RHBDD1: variants seen among roughly 807,000 people sequenced by gnomAD.
The protein encoded by RHBDD1 is rhomboid domain containing 1.
In RHBDD1, 38 loss-of-function variants were observed where a neutral mutation model predicts 36.3. The ratio of observed to expected loss-of-function variants is 1.05; its 90% CI spans 0.81 to 1.37. The LOEUF is 1.37. Ranked by LOEUF, RHBDD1 falls within the 40% of genes most tolerant of loss-of-function variation. RHBDD1 has a pLI of 0.00. For missense variants in RHBDD1, 393 were observed against 377.6 expected (o/e 1.04, Z -0.34); for synonymous variants, 151 against 136.5 (o/e 1.11, Z -0.74).
At chr2:226,938,602 A>G (rs889643679) in intron 8 of RHBDD1, among the ~76,000 whole-genome samples, 1 of 152,174 alleles carries the variant, frequency 6.6e-6, no homozygotes, top group African/African-American at 2.4e-5. Flanking sequence ...GAGACCAATA[A>G]CAAGTTCTGA....
intron 3 of RHBDD1, among the ~76,000 whole-genome samples, chr2:226,849,621 C>CA (rs1942589614): frequency 6.6e-6 from 1 of 152,260 alleles, no homozygotes; most frequent in African/African-American, 2.4e-5. Flanking sequence ...CCCCGGATGT[C>CA]CTCTTTGCCT....
intron 3 of RHBDD1, among the ~76,000 whole-genome samples, chr2:226,863,713 G>T (rs531837452): frequency 3.3e-5 from 5 of 152,336 alleles, no homozygotes; most frequent in African/African-American, 1.2e-4. Context: ...AGAGAGAGAA[G>T]CCTATAAATC....
intron 8 of RHBDD1, among the ~76,000 whole-genome samples, chr2:226,948,926 G>T (rs144438166): frequency 7.9e-5 from 12 of 152,312 alleles, no homozygotes; most frequent in Non-Finnish European, 1.8e-4. Context: ...AAGCTGATAA[G>T]CAACTTTAGC....
At chr2:226,859,383 A>G (rs904203778) in intron 3 of RHBDD1, among the ~76,000 whole-genome samples, 1 of 152,216 alleles carries the variant, frequency 6.6e-6, no homozygotes, top group Admixed American at 6.5e-5. Flanking sequence ...ATTATAAGTT[A>G]CCTAGAGGTG....
the RHBDD1 span, among the ~76,000 whole-genome samples, chr2:226,810,731 T>A: frequency 1.3e-5 from 2 of 151,846 alleles, no homozygotes; most frequent in Admixed American, 1.3e-4. Context: ...GGCAGAGGCA[T>A]AAGAAAAACG....
chr2:226,893,830 A>T (rs906532614), intron 5 of RHBDD1, among the ~76,000 whole-genome samples: 1 of 152,134 alleles, frequency 6.6e-6, no homozygotes, highest in Admixed American at 6.5e-5. Flanking sequence ...GACCTCCACG[A>T]TAAAAATAGT....
At chr2:226,844,806 A>T (rs1208750238) in intron 3 of RHBDD1, among the ~76,000 whole-genome samples, 1 of 152,216 alleles carries the variant, frequency 6.6e-6, no homozygotes, top group Admixed American at 6.5e-5. Flanking sequence ...CTGGCTTATG[A>T]TTGATACTGG....
intron 5 of RHBDD1, among the ~76,000 whole-genome samples, chr2:226,905,899 C>T (rs1353193926): frequency 6.6e-6 from 1 of 151,954 alleles, no homozygotes; most frequent in African/African-American, 2.4e-5. Flanking sequence ...CATGTGTGCG[C>T]GGGGGTGTCT....
At chr2:226,935,641 T>A (rs1176527646) in intron 8 of RHBDD1, among the ~76,000 whole-genome samples, 4 of 152,216 alleles carry the variant, frequency 2.6e-5, no homozygotes, top group South Asian at 4.1e-4. Context: ...TTTATTTTTT[T>A]TTTTTATAAT....
intron 5 of RHBDD1, among the ~76,000 whole-genome samples, chr2:226,872,710 A>G (rs1428358482): frequency 2.0e-5 from 3 of 152,210 alleles, no homozygotes; most frequent in African/African-American, 7.2e-5. Context: ...TTCTTAAATC[A>G]GCAAGTAATT....
At chr2:226,841,240 C>T (rs1276421019) in intron 3 of RHBDD1, among the ~76,000 whole-genome samples, 1 of 152,080 alleles carries the variant, frequency 6.6e-6, no homozygotes, top group African/African-American at 2.4e-5. Flanking sequence ...TCAGTTGATC[C>T]TCCCACCTCA....
chr2:226,825,531 T>C, the RHBDD1 span, among the ~76,000 whole-genome samples: 8 of 152,092 alleles, frequency 5.3e-5, no homozygotes, highest in Admixed American at 3.3e-4. Flanking sequence ...CTTCCTAAAA[T>C]AGAAAAATGT....
intron 5 of RHBDD1, among the ~76,000 whole-genome samples, chr2:226,895,242 G>A (rs539216338): frequency 1.3e-5 from 2 of 152,338 alleles, no homozygotes; most frequent in East Asian, 3.9e-4. Context: ...TGAAGCCTGA[G>A]CTAGGCAACC....
At position 226,995,626 on chromosome 2, in the gene RHBDD1, T is replaced by C; in HGVS notation, c.*104T>C. 1 of 793,192 alleles carries C rather than the reference T, an allele frequency of 1.3e-6. No individual in the cohort carries two copies. The highest frequency in any genetic ancestry group is 2.1e-6 in the Non-Finnish European group (1 of 466,504). 49.1% of individuals were successfully genotyped at this position (793,192 alleles called of 1,614,324 possible). On this transcript the variant is annotated 3_prime_UTR_variant, in exon 9 of 9. Coordinates refer to ENST00000392062, the MANE Select transcript of RHBDD1 (RefSeq NM_001167608.3). The stretch of plus-strand genomic sequence containing the variant: ...TAATTCATTTTAAACAAAAGCAGAG[T>C]ACACCGGTATTGCTCCAGATCGCTC...
the RHBDD1 span, chr2:226,807,645 A>T: frequency 6.6e-6 from 1 of 152,292 alleles, no homozygotes; most frequent in Non-Finnish European, 1.5e-5. Context: ...GTGGGAGCAG[A>T]GTGAGGAAGG....
the RHBDD1 span, among the ~76,000 whole-genome samples, chr2:226,819,277 A>G: frequency 6.6e-6 from 1 of 152,232 alleles, no homozygotes; most frequent in Non-Finnish European, 1.5e-5. Flanking sequence ...AAGAATGCTC[A>G]TTAATCAAAA....
At chr2:226,905,876 T>C (rs6723774) in intron 5 of RHBDD1, among the ~76,000 whole-genome samples, 73,875 of 151,724 alleles carry the variant, frequency 0.49, 18,968 homozygotes, top group African/African-American at 0.66. Flanking sequence ...TTTAAGGTGC[T>C]AGTGGATGTG....
At chr2:226,870,850 A>G (rs1257445054) in intron 5 of RHBDD1, among the ~76,000 whole-genome samples, 1 of 152,168 alleles carries the variant, frequency 6.6e-6, no homozygotes, top group African/African-American at 2.4e-5. Flanking sequence ...CTTTATCCTC[A>G]TCATCTTCAC....
At chr2:226,887,044 A>C (rs1391546397) in intron 5 of RHBDD1, among the ~76,000 whole-genome samples, 1 of 152,172 alleles carries the variant, frequency 6.6e-6, no homozygotes, top group Non-Finnish European at 1.5e-5. Context: ...AATTAGAAAA[A>C]ATACTTAAAA....
Sources: allele counts gnomAD v4.1 joint callset (sites outside exome capture counted in the v4.1 genomes callset), GRCh38; gene constraint gnomAD v4.1.1; transcripts MANE v1.5; gene names NCBI Gene and HGNC (gene_info 2026-07-23, HGNC 2026-07-21).